Variants in NEGR1 observed in about 807,000 individuals in gnomAD.
The protein encoded by NEGR1 is neuronal growth regulator 1.
Under a neutral mutation model 40.9 loss-of-function variants are expected in NEGR1, and 10 were observed. That is an observed-to-expected ratio of 0.24 (90% CI 0.15 to 0.42). The LOEUF (loss-of-function observed/expected upper bound fraction) is 0.42. Ranked by LOEUF, NEGR1 falls within the 10% of genes least tolerant of loss-of-function variation. NEGR1 has a pLI of 1.00. For missense variants in NEGR1, 352 were observed against 438.9 expected, an observed-to-expected ratio of 0.80 and a Z score of 1.77; for synonymous variants, 185 against 166.8, an observed-to-expected ratio of 1.11 and a Z score of -0.84.
At chr1:72,039,670 G>T (rs916864059) in intron 1 of NEGR1, among the ~76,000 whole-genome samples, 1 of 151,902 alleles carries the variant, frequency 6.6e-6, no homozygotes, top group Non-Finnish European at 1.5e-5. Context: ...AAGGATAAAA[G>T]AGAAACCTTC....
chr1:72,151,249 T>G (rs1325796758), intron 1 of NEGR1, among the ~76,000 whole-genome samples: 1 of 151,302 alleles, frequency 6.6e-6, no homozygotes, highest in Non-Finnish European at 1.5e-5. Flanking sequence ...CATTTTAAAT[T>G]TAATAAATAT....
chr1:71,799,305 T>TGG (rs1434193640), intron 2 of NEGR1, among the ~76,000 whole-genome samples: 3 of 152,212 alleles, frequency 2.0e-5, no homozygotes, highest in African/African-American at 7.2e-5. Context: ...TTTGGTTTTC[T>TGG]GTTCCTGTAT....
At chr1:72,094,766 C>T (rs1648633276) in intron 1 of NEGR1, among the ~76,000 whole-genome samples, 2 of 152,122 alleles carry the variant, frequency 1.3e-5, no homozygotes, top group African/African-American at 4.8e-5. Flanking sequence ...TCTCCTTTTG[C>T]CTCTGTAGAT....
rs375242386 is a variant in NEGR1, at chr1:72,194,320, A to C, written c.176+87999T>G. On this transcript the variant is annotated intron_variant, in intron 1 of 6. Transcript: ENST00000357731. Reference sequence around the variant, plus strand: ...AAGGTACTATTCAGGAGGCTGAAACAAATGAGAAGTTTTTATTTTTAGTAG... The same window carrying C: ...AAGGTACTATTCAGGAGGCTGAAACCAATGAGAAGTTTTTATTTTTAGTAG... Among the ~76,000 whole-genome samples, 24 of 152,054 alleles carry C rather than the reference A, an allele frequency of 1.6e-4. No individual in the cohort carries two copies. In the East Asian group the frequency reaches 4.3e-3, roughly 27 times the overall value.
At chr1:72,001,230 C>T (rs574358026) in intron 1 of NEGR1, among the ~76,000 whole-genome samples, 36 of 152,116 alleles carry the variant, frequency 2.4e-4, no homozygotes, top group African/African-American at 7.9e-4. Flanking sequence ...CTCTCTGCAG[C>T]AGAGAGCTTT....
intron 1 of NEGR1, among the ~76,000 whole-genome samples, chr1:72,057,387 C>A (rs1168944146): frequency 6.6e-6 from 1 of 151,472 alleles, no homozygotes; most frequent in Non-Finnish European, 1.5e-5. Flanking sequence ...TAGCTGGATT[C>A]TCATACATTT....
chr1:71,539,040 T>C (rs1386734582), intron 6 of NEGR1, among the ~76,000 whole-genome samples: 1 of 151,766 alleles, frequency 6.6e-6, no homozygotes, highest in African/African-American at 2.4e-5. Flanking sequence ...TGGTTGATAA[T>C]AGAGTTTCTG....
intron 2 of NEGR1, among the ~76,000 whole-genome samples, chr1:71,787,486 C>A (rs1476928993): frequency 1.3e-5 from 2 of 152,126 alleles, no homozygotes; most frequent in Non-Finnish European, 2.9e-5. Context: ...CTAAAGAGAG[C>A]AGCTACCACT....
chr1:72,086,872 T>C (rs539295638), intron 1 of NEGR1, among the ~76,000 whole-genome samples: 4 of 152,302 alleles, frequency 2.6e-5, no homozygotes, highest in South Asian at 4.1e-4. Context: ...TCAATGCATA[T>C]GTCATAACTT....
intron 6 of NEGR1, chr1:71,422,861 A>G (rs1287755258): frequency 1.3e-5 from 2 of 151,800 alleles, no homozygotes; most frequent in Non-Finnish European, 2.9e-5. Flanking sequence ...CCCTGCAAAT[A>G]CATCTCTTTA....
chr1:72,133,976 T>G (rs1335181876), intron 1 of NEGR1, among the ~76,000 whole-genome samples: 2 of 151,932 alleles, frequency 1.3e-5, no homozygotes, highest in Non-Finnish European at 1.5e-5. Flanking sequence ...CATAACTTTG[T>G]TATATAAGAT....
intron 1 of NEGR1, among the ~76,000 whole-genome samples, chr1:72,032,709 T>C (rs954726922): frequency 6.6e-5 from 10 of 152,190 alleles, no homozygotes; most frequent in African/African-American, 1.9e-4. Context: ...ATCTTGCTTC[T>C]CTAACATACA....
At chr1:72,110,659 T>C (rs1022731062) in intron 1 of NEGR1, among the ~76,000 whole-genome samples, 7 of 151,768 alleles carry the variant, frequency 4.6e-5, no homozygotes, top group African/African-American at 1.4e-4. Flanking sequence ...AAGTAAGTAA[T>C]TCCATTAATT....
chr1:72,177,964 A>G (rs1396391756), intron 1 of NEGR1, among the ~76,000 whole-genome samples: 1 of 152,036 alleles, frequency 6.6e-6, no homozygotes, highest in Non-Finnish European at 1.5e-5. Flanking sequence ...ATGGGTTTTG[A>G]AAAAGTCATA....
At chr1:71,460,243 T>C (rs1155175) in intron 6 of NEGR1, among the ~76,000 whole-genome samples, 115,392 of 152,154 alleles carry the variant, frequency 0.76, 44,204 homozygotes, top group African/African-American at 0.78. Flanking sequence ...GATAGTGTTG[T>C]TGACATCGGT....
At chr1:71,533,165 A>C (rs577080168) in intron 6 of NEGR1, among the ~76,000 whole-genome samples, 1 of 151,692 alleles carries the variant, frequency 6.6e-6, no homozygotes, top group Non-Finnish European at 1.5e-5. Context: ...ATCCTAGACT[A>C]TAGCATCAAG....
At chr1:71,451,150 T>C (rs1054493634) in intron 6 of NEGR1, among the ~76,000 whole-genome samples, 1 of 152,190 alleles carries the variant, frequency 6.6e-6, no homozygotes, top group Admixed American at 6.5e-5. Flanking sequence ...GGGTGCTCCC[T>C]TAAGTAGGGC....
At chr1:72,010,223 C>T (rs1050978509) in intron 1 of NEGR1, among the ~76,000 whole-genome samples, 1 of 151,954 alleles carries the variant, frequency 6.6e-6, no homozygotes, top group African/African-American at 2.4e-5. Context: ...GCTTTACCAG[C>T]TGTGAAGAGC....
chr1:71,721,117 T>C (rs981765327), intron 3 of NEGR1, among the ~76,000 whole-genome samples: 2 of 152,192 alleles, frequency 1.3e-5, no homozygotes, highest in Non-Finnish European at 2.9e-5. Flanking sequence ...AGAAAGTAGA[T>C]TTATTTCATA....
Sources: allele counts gnomAD v4.1 joint callset (sites outside exome capture counted in the v4.1 genomes callset), GRCh38; gene constraint gnomAD v4.1.1; transcripts MANE v1.5; gene names NCBI Gene and HGNC (gene_info 2026-07-23, HGNC 2026-07-21).